The following CDH4 variants were observed in gnomAD, a reference collection of about 807,000 sequenced individuals.
CDH4 encodes the protein cadherin 4.
A neutral mutation model predicts 86.0 loss-of-function variants in CDH4; 33 were observed. The ratio of observed to expected loss-of-function variants is 0.38; its 90% CI spans 0.29 to 0.51. CDH4 has a LOEUF of 0.51. Ranked by LOEUF, CDH4 falls within the 20% of genes least tolerant of loss-of-function variation. The probability of loss-of-function intolerance (pLI) is 0.86; values close to 1 mark genes in which losing one functional copy is unlikely to be tolerated. For synonymous variants in CDH4, 555 were observed against 549.4 expected (o/e 1.01, Z -0.14); for missense variants, 1,114 against 1,307.4 (o/e 0.85, Z 2.28).
chr20:61,760,995 A>G (rs569740363), intron 3 of CDH4, among the ~76,000 whole-genome samples: 1 of 152,324 alleles, frequency 6.6e-6, no homozygotes, highest in East Asian at 1.9e-4. Context: ...TATTCCGTCC[A>G]TCCTTAGCTA....
At chr20:61,411,468 T>G (rs1219879773) in intron 2 of CDH4, among the ~76,000 whole-genome samples, 20 of 151,600 alleles carry the variant, frequency 1.3e-4, no homozygotes, top group African/African-American at 4.9e-4. Flanking sequence ...CTCATCTTTT[T>G]TATTTTAGTT....
chr20:61,299,973 G>A (rs984386622), intron 2 of CDH4, among the ~76,000 whole-genome samples: 2 of 152,200 alleles, frequency 1.3e-5, no homozygotes, highest in African/African-American at 4.8e-5. Flanking sequence ...GGGGGGACCA[G>A]GTTTGGGGCT....
chr20:61,607,916 G>A (rs1413362931), intron 2 of CDH4, among the ~76,000 whole-genome samples: 1 of 152,214 alleles, frequency 6.6e-6, no homozygotes, highest in African/African-American at 2.4e-5. Flanking sequence ...TCACAGTGCA[G>A]AGTCTCCCTA....
At chr20:61,693,539 A>G (rs1600881722) in intron 2 of CDH4, among the ~76,000 whole-genome samples, 3 of 152,238 alleles carry the variant, frequency 2.0e-5, no homozygotes, top group Admixed American at 2.0e-4. Flanking sequence ...CACCTGCTCC[A>G]CAGTGCCTGC....
intron 2 of CDH4, among the ~76,000 whole-genome samples, chr20:61,549,679 G>A (rs1382578478): frequency 6.6e-6 from 1 of 152,184 alleles, no homozygotes; most frequent in Non-Finnish European, 1.5e-5. Context: ...CGAAGCCTCC[G>A]GGATGTTATG....
chr20:61,800,245 A>T (rs1979757754), intron 4 of CDH4, among the ~76,000 whole-genome samples: 1 of 152,216 alleles, frequency 6.6e-6, no homozygotes, highest in Admixed American at 6.5e-5. Flanking sequence ...CCTCGAGTGC[A>T]CACACGGTGC....
intron 2 of CDH4, among the ~76,000 whole-genome samples, chr20:61,635,098 A>G (rs73144479): frequency 2.6e-5 from 4 of 152,228 alleles, no homozygotes; most frequent in Non-Finnish European, 5.9e-5. Context: ...TGCTGCTGTG[A>G]GCGTGGGGTG....
rs57122204 is a variant in CDH4, at chr20:61,839,844, G to A, written c.577-4824G>A. On this transcript the variant is annotated intron_variant, in intron 4 of 15. Coordinates refer to ENST00000614565, the MANE Select transcript of CDH4 (RefSeq NM_001794.5). ...GTTGTGTGTCTGTGTGTAGGTATGC[G>A]TATGTGTATGTGTGTTTGTGTATTG... Among the ~76,000 whole-genome samples the A allele has an allele frequency of 7.5e-3, 1,139 of 151,396 alleles. 33 individuals carry two copies. In the East Asian group the frequency reaches 0.099, roughly 13 times the overall value.
intron 2 of CDH4, among the ~76,000 whole-genome samples, chr20:61,644,425 TTCGACAGCTCTACCA>T (rs1341058288): frequency 6.6e-6 from 1 of 152,212 alleles, no homozygotes; most frequent in Non-Finnish European, 1.5e-5. Flanking sequence ...GCCTGGTGCC[TTCGACAGCTCTACCA>T]TCCTGCCTTG....
rs2086248423 is a variant in CDH4 at position 61,564,541 on chromosome 20, G to A, written c.170-179022G>A. ...CGTGCTCTCACTCTCACCATGTGAT[G>A]CCCTGGCTCCGCTTCACCCTCCACC... On this transcript the variant is annotated intron_variant, in intron 2 of 15. Transcript: ENST00000614565. Among the ~76,000 whole-genome samples the A allele has an allele frequency of 2.0e-5, 3 of 152,232 alleles. No homozygotes were observed. In the South Asian group the frequency reaches 6.2e-4, roughly 32 times the overall value.
At position 61,810,161 on chromosome 20, in the gene CDH4, T is replaced by G. The variant is rs889998320; in HGVS notation, c.577-34507T>G. On this transcript the variant is annotated intron_variant, in intron 4 of 15. Coordinates refer to ENST00000614565, the MANE Select transcript of CDH4 (RefSeq NM_001794.5). The surrounding 1 kb of genome is among the most constrained non-coding windows in gnomAD (Gnocchi z 4.3). ...GGGGCACCTGAGCCTAGACCTGTTC[T>G]CAAGACGGAGACAGAGATGGGTGAG... is the stretch of plus-strand genomic sequence containing the variant. 6.6e-6 allele frequency among the ~76,000 whole-genome samples: 1 copy of G among 152,090 alleles called. No homozygotes were observed. The highest frequency in any genetic ancestry group is 2.4e-5 in the African/African-American group (1 of 41,406).
intron 4 of CDH4, among the ~76,000 whole-genome samples, chr20:61,800,731 C>T (rs142355279): frequency 1.3e-5 from 2 of 152,238 alleles, no homozygotes; most frequent in East Asian, 3.9e-4. Context: ...AGGCCGAGAG[C>T]ACAGATGGCC....
chr20:61,840,445 T>C (rs535928729), intron 4 of CDH4, among the ~76,000 whole-genome samples: 209 of 152,354 alleles, frequency 1.4e-3, no homozygotes, highest in African/African-American at 4.6e-3. Flanking sequence ...GCCAGAACGT[T>C]TCATGTCATC....
intron 2 of CDH4, among the ~76,000 whole-genome samples, chr20:61,532,984 A>G (rs1428544416): frequency 6.6e-6 from 1 of 152,076 alleles, no homozygotes; most frequent in Non-Finnish European, 1.5e-5. Context: ...TTTCACTCCC[A>G]GGCTCACTGG....
intron 7 of CDH4, among the ~76,000 whole-genome samples, chr20:61,874,913 C>T (rs1983954293): frequency 2.0e-5 from 3 of 152,250 alleles, no homozygotes; most frequent in Admixed American, 6.5e-5. Flanking sequence ...CACTTTCTGG[C>T]AGCTCCTCGG....
At chr20:61,898,383 C>A (rs1441038694) in intron 8 of CDH4, among the ~76,000 whole-genome samples, 1 of 152,220 alleles carries the variant, frequency 6.6e-6, no homozygotes, top group Non-Finnish European at 1.5e-5. Flanking sequence ...TGAGTGGGGA[C>A]CCTCGGCCCT....
chr20:61,619,471 A>T (rs2145771533), intron 2 of CDH4, among the ~76,000 whole-genome samples: 1 of 152,322 alleles, frequency 6.6e-6, no homozygotes, highest in Admixed American at 6.5e-5. Flanking sequence ...AAGCAAAATG[A>T]TGATTAGAAC....
rs1276709233 is a variant in CDH4, at chr20:61,902,919, C to T, written c.1189-7503C>T. The stretch of plus-strand genomic sequence containing the variant: ...CTGTAGCTCCAGCTACATGGGAGGC[C>T]GAGGCAGGAGGATCACTTGAGCCCA... On this transcript the variant is annotated intron_variant, in intron 8 of 15. Coordinates refer to ENST00000614565, the MANE Select transcript of CDH4 (RefSeq NM_001794.5). The surrounding 1 kb of genome is among the most constrained non-coding windows in gnomAD (Gnocchi z 4.6). Among the ~76,000 whole-genome samples, 2 of 148,358 alleles carry T rather than the reference C, an allele frequency of 1.3e-5. No individual in the cohort carries two copies. The highest frequency in any genetic ancestry group is 1.4e-4 in the Admixed American group (2 of 14,534).
intron 2 of CDH4, among the ~76,000 whole-genome samples, chr20:61,491,910 G>A (rs2085627907): frequency 6.6e-6 from 1 of 152,082 alleles, no homozygotes; most frequent in Admixed American, 6.6e-5. Context: ...TATTGATGCT[G>A]GTGGTACTGA....
Sources: gnomAD v4.1 joint callset for allele counts (sites outside exome capture counted in the v4.1 genomes callset) on GRCh38, gnomAD v4.1.1 for gene constraint, Gnocchi (gnomAD v3.1) non-coding constraint, MANE v1.5 for transcripts, NCBI Gene and HGNC (gene_info 2026-07-23, HGNC 2026-07-21) for gene names.